GVQW3: variants seen among roughly 807,000 people sequenced by gnomAD.
GVQW3 encodes GVQW motif containing 3, also known as protein GVQW3.
Under a neutral mutation model 12.5 loss-of-function variants are expected in GVQW3, and 7 were observed. The observed-to-expected ratio is 0.56, with a 90% CI of 0.32 to 1.05. The LOEUF is 1.05. GVQW3 is among the 50% of genes least tolerant of loss of function. GVQW3 has a pLI of 0.04. For missense variants in GVQW3, 188 were observed against 190.8 expected (o/e 0.99, Z 0.09); for synonymous variants, 71 against 67.2 (o/e 1.06, Z -0.28).
intron 1 of GVQW3, among the ~76,000 whole-genome samples, chr11:76,395,953 G>C (rs1277234083): frequency 6.6e-6 from 1 of 152,142 alleles, no homozygotes; most frequent in East Asian, 1.9e-4. Context: ...AATATGTCTT[G>C]CCACTCTAGA....
At chr11:76,409,049 T>C (rs1162871365), downstream of GVQW3, among the ~76,000 whole-genome samples, 3 of 152,250 alleles carry the variant, frequency 2.0e-5, no homozygotes, top group Non-Finnish European at 4.4e-5. Flanking sequence ...GCTTCAGGCA[T>C]TTCCCATTAT....
chr11:76,398,739 G>T (rs1946961794), intron 1 of GVQW3, among the ~76,000 whole-genome samples: 1 of 152,222 alleles, frequency 6.6e-6, no homozygotes. Flanking sequence ...AGGATTATAG[G>T]TGTGAGCCAC....
chr11:76,398,892 T>C (rs1946962897), intron 1 of GVQW3, among the ~76,000 whole-genome samples: 1 of 152,200 alleles, frequency 6.6e-6, no homozygotes, highest in Admixed American at 6.5e-5. Context: ...TACTAATTTG[T>C]GTATAGGATT....
intron 1 of GVQW3, among the ~76,000 whole-genome samples, chr11:76,400,153 C>T (rs948969888): frequency 5.3e-5 from 8 of 151,768 alleles, no homozygotes; most frequent in African/African-American, 1.9e-4. Context: ...GCTCTTGTCA[C>T]CCAGGCTGGA....
At chr11:76,387,781 G>T (rs971694305) in intron 1 of GVQW3, among the ~76,000 whole-genome samples, 2 of 152,136 alleles carry the variant, frequency 1.3e-5, no homozygotes, top group African/African-American at 4.8e-5. Context: ...AAATTAGCCT[G>T]GCATGGTGGC....
chr11:76,399,108 G>GTATTGTATTGTATTT lies in GVQW3; in HGVS notation c.466-4548_466-4547insGTATTGTATTTTATT, dbSNP rs1436005626. 1.1e-4 allele frequency among the ~76,000 whole-genome samples: 17 copies of GTATTGTATTGTATTT among 152,128 alleles called. No homozygotes were observed. The East Asian group carries it at 1.9e-3, about 17-fold the overall frequency. On this transcript the variant is annotated intron_variant, in intron 1 of 1. Transcript: ENST00000529331. ...ACTAGTCATGTAATTGTATTGTATTGTATTTTATTTTATTTTATTTCATTT... is the reference window on the plus strand; with the variant it reads ...ACTAGTCATGTAATTGTATTGTATTGTATTGTATTGTATTTTATTTTATTTTATTTTATTTCATTT...
chr11:76,401,218 C>CAA (rs1946986199), intron 1 of GVQW3, among the ~76,000 whole-genome samples: 1 of 152,010 alleles, frequency 6.6e-6, no homozygotes, highest in Non-Finnish European at 1.5e-5. Flanking sequence ...ATCCTTACTT[C>CAA]ATAGTCTCTT....
chr11:76,396,639 G>T (rs1946942093), intron 1 of GVQW3, among the ~76,000 whole-genome samples: 1 of 152,002 alleles, frequency 6.6e-6, no homozygotes, highest in Admixed American at 6.6e-5. Context: ...TTAACAGCCA[G>T]TGTTTATTTA....
At chr11:76,386,000 C>G (rs181379619) in intron 1 of GVQW3, among the ~76,000 whole-genome samples, 16 of 152,332 alleles carry the variant, frequency 1.1e-4, no homozygotes, top group Admixed American at 1.0e-3. Context: ...TCAAGCCTGG[C>G]TTTCTGTGGG....
chr11:76,381,615 G>A lies in GVQW3; in HGVS notation c.-214G>A. 2.0e-6 allele frequency: 1 copy of A among 495,454 alleles called. No individual in the cohort carries two copies. Among genetic ancestry groups the A allele is most frequent in the Non-Finnish European group, 3.5e-6 (1 of 282,520 alleles). The allele number at this position is 495,454 out of a possible 1,614,324, so 30.7% of individuals were successfully genotyped here. On this transcript the variant is annotated 5_prime_UTR_variant, in exon 1 of 2. Transcript: ENST00000529331. ...AGGCGATTTAATTTTTCCCAGCTTT[G>A]CAGCGACTGTTGGCTTCCCAGAACG...
intron 1 of GVQW3, among the ~76,000 whole-genome samples, chr11:76,386,314 C>G (rs1946832882): frequency 6.6e-6 from 1 of 152,170 alleles, no homozygotes; most frequent in Non-Finnish European, 1.5e-5. Context: ...AAATCTGTGA[C>G]TTAGAAAAAC....
chr11:76,393,442 A>G (rs993034821), intron 1 of GVQW3, among the ~76,000 whole-genome samples: 1 of 152,146 alleles, frequency 6.6e-6, no homozygotes, highest in African/African-American at 2.4e-5. Context: ...CTCTCACCTC[A>G]CTGTCTGAAG....
intron 1 of GVQW3, among the ~76,000 whole-genome samples, chr11:76,402,301 C>A (rs181378054): frequency 1.3e-5 from 2 of 152,140 alleles, no homozygotes; most frequent in Non-Finnish European, 2.9e-5. Flanking sequence ...GCCTGTAATC[C>A]CAGCACTTTG....
At chr11:76,382,501 C>G (rs193046011) in intron 1 of GVQW3, 1 of 618,990 alleles carries the variant, frequency 1.6e-6, no homozygotes, top group South Asian at 1.9e-5. Context: ...AGGATGCTGC[C>G]TCACTGTTAG....
intron 1 of GVQW3, chr11:76,382,541 C>T: frequency 1.7e-6 from 1 of 604,526 alleles, no homozygotes; most frequent in South Asian, 2.0e-5. Context: ...ACGTATTTTT[C>T]AGTCTTCACC....
In GVQW3 at chr11:76,382,088, A is replaced by G; in HGVS notation, c.260A>G (p.Gln87Arg). The change falls in exon 1 of 2, where the codon CAG (glutamine) becomes CGG (arginine). Residue 87 changes from glutamine (Q) to arginine (R), a missense_variant. Coordinates refer to ENST00000529331, the MANE Select transcript of GVQW3 (RefSeq NM_001347885.2). ...KVKDLVCSNR[Q>R]LTVRMMAEEL... ...AAGGACTTGGTTTGTTCAAACAGGC[A>G]GTTAACCGTGAGGATGATGGCTGAA... 7.2e-6 allele frequency: 11 copies of G among 1,536,632 alleles called. No homozygotes were observed. Among genetic ancestry groups the G allele is most frequent in the Non-Finnish European group, 9.6e-6 (11 of 1,146,998 alleles).
chr11:76,382,375 C>T lies in GVQW3; in HGVS notation c.465+82C>T, dbSNP rs140616616. ...CCTGCCGGTATCCCATCCCAGAGTC[C>T]ACTACTCTGCCAGTCAGCTTCTGCA... On this transcript the variant is annotated intron_variant, in intron 1 of 1. Coordinates refer to ENST00000529331, the MANE Select transcript of GVQW3 (RefSeq NM_001347885.2). 1,624 of 880,278 alleles carry T rather than the reference C, an allele frequency of 1.8e-3. 22 individuals are homozygous for T. In the African/African-American group the frequency reaches 0.024, roughly 13 times the overall value. The allele number at this position is 880,278 out of a possible 1,614,324, so 54.5% of individuals were successfully genotyped here.
At chr11:76,392,120 A>G (rs1359600820) in intron 1 of GVQW3, 1 of 152,334 alleles carries the variant, frequency 6.6e-6, no homozygotes, top group Non-Finnish European at 1.5e-5. Context: ...AAGGGTTCCT[A>G]CCTTAGACTG....
In GVQW3 at chr11:76,381,577, CAG is replaced by C; in HGVS notation, c.-250_-249del. The C allele has an allele frequency of 2.3e-6, 1 of 429,944 alleles. No homozygotes were observed. Among genetic ancestry groups the C allele is most frequent in the African/African-American group, 2.0e-5 (1 of 49,924 alleles). 26.6% of individuals were successfully genotyped at this position (429,944 alleles called of 1,614,324 possible). On this transcript the variant is annotated 5_prime_UTR_variant, in exon 1 of 2. The change abolishes the stop of an existing upstream ORF in the 5' untranslated region. Transcript: ENST00000529331. Reference sequence around the variant, plus strand: ...CAGATGTGCGTGCACTGGTTTGATGCAGACGTGGTTGTAGGCGATTTAATTTT... The same window carrying C: ...CAGATGTGCGTGCACTGGTTTGATGCACGTGGTTGTAGGCGATTTAATTTT...
Sources: gnomAD v4.1 joint callset for allele counts (sites outside exome capture counted in the v4.1 genomes callset) on GRCh38, gnomAD v4.1.1 for gene constraint, MANE v1.5 for transcripts, NCBI Gene and HGNC (gene_info 2026-07-23, HGNC 2026-07-21) for gene names.